EXOC4: variants seen among roughly 807,000 people sequenced by gnomAD.
EXOC4 encodes the protein SEC8-like 1.
A neutral mutation model predicts 107.2 loss-of-function variants in EXOC4; 71 were observed. The ratio of observed to expected loss-of-function variants is 0.66; its 90% CI spans 0.55 to 0.81. The LOEUF is 0.81. EXOC4 is among the 30% of genes least tolerant of loss of function. The pLI is 0.00. For synonymous variants in EXOC4, 456 were observed against 441.2 expected (o/e 1.03, Z -0.42); for missense variants, 1,108 against 1,189.6 (o/e 0.93, Z 1.01).
intron 10 of EXOC4, among the ~76,000 whole-genome samples, chr7:133,801,509 T>C (rs1041144496): frequency 6.6e-6 from 1 of 152,160 alleles, no homozygotes; most frequent in Non-Finnish European, 1.5e-5. Flanking sequence ...GAATGTTAGA[T>C]GGGTGCATCA....
chr7:133,340,240 A>T (rs369526993), intron 5 of EXOC4, among the ~76,000 whole-genome samples: 1 of 152,040 alleles, frequency 6.6e-6, no homozygotes, highest in Admixed American at 6.6e-5. Flanking sequence ...ATTTCGTCCA[A>T]TGTTTTTTCT....
intron 10 of EXOC4, among the ~76,000 whole-genome samples, chr7:133,808,764 A>ATT (rs796720211): frequency 6.8e-6 from 1 of 147,296 alleles, no homozygotes; most frequent in East Asian, 2.0e-4. Flanking sequence ...TTGTAGGTTG[A>ATT]TTTTTTTTTT....
chr7:133,947,004 T>C (rs886179078), intron 14 of EXOC4, among the ~76,000 whole-genome samples: 4 of 152,222 alleles, frequency 2.6e-5, no homozygotes, highest in African/African-American at 7.2e-5. Context: ...AGGAGACATA[T>C]AGCACATATT....
In EXOC4 at chr7:133,817,318, C is replaced by T. The variant is rs1305915376; in HGVS notation, c.1515-7C>T. The T allele has an allele frequency of 1.3e-6, 2 of 1,595,528 alleles. No homozygotes were observed. The highest frequency in any genetic ancestry group is 1.7e-5 in the Admixed American group (1 of 59,888). ...ATTTAATAACCTTCTTACTGTTTGT[C>T]CTCCAGATTTATTCAGGAGATTGAG... is the stretch of plus-strand genomic sequence containing the variant. On this transcript the variant is annotated splice_polypyrimidine_tract_variant and splice_region_variant and intron_variant, in intron 10 of 17. Coordinates refer to ENST00000253861, the MANE Select transcript of EXOC4 (RefSeq NM_021807.4).
At chr7:133,432,935 A>G (rs374996011) in intron 7 of EXOC4, among the ~76,000 whole-genome samples, 9 of 152,362 alleles carry the variant, frequency 5.9e-5, no homozygotes, top group African/African-American at 2.2e-4. Context: ...AGCACTCTAT[A>G]GCTGTAATGT....
intron 10 of EXOC4, among the ~76,000 whole-genome samples, chr7:133,767,261 C>T (rs970050652): frequency 5.9e-5 from 9 of 151,934 alleles, no homozygotes; most frequent in African/African-American, 7.2e-5. Context: ...CAGACAGAAA[C>T]GAGTTTAAAA....
intron 10 of EXOC4, among the ~76,000 whole-genome samples, chr7:133,754,129 C>T (rs915062209): frequency 2.0e-5 from 3 of 152,026 alleles, no homozygotes; most frequent in East Asian, 1.9e-4. Flanking sequence ...CAGATTGTTT[C>T]AGTAAGGCTG....
chr7:134,045,955 G>T (rs908907557), intron 17 of EXOC4, among the ~76,000 whole-genome samples: 1 of 152,028 alleles, frequency 6.6e-6, no homozygotes, highest in Non-Finnish European at 1.5e-5. Flanking sequence ...TAATAACAGG[G>T]TATGAGACAG....
At chr7:133,653,501 A>G (rs1803212391) in intron 10 of EXOC4, among the ~76,000 whole-genome samples, 1 of 152,234 alleles carries the variant, frequency 6.6e-6, no homozygotes, top group Non-Finnish European at 1.5e-5. Flanking sequence ...CAGTACATTT[A>G]TCTCTCAGAA....
the EXOC4 span, among the ~76,000 whole-genome samples, chr7:134,080,777 AAT>A: frequency 6.0e-5 from 9 of 150,428 alleles, no homozygotes; most frequent in Admixed American, 2.0e-4. Flanking sequence ...CTATCTTAAA[AAT>A]ATATATATAT....
At chr7:133,570,324 TTA>T (rs1800995571) in intron 9 of EXOC4, among the ~76,000 whole-genome samples, 1 of 152,170 alleles carries the variant, frequency 6.6e-6, no homozygotes, top group Non-Finnish European at 1.5e-5. Flanking sequence ...TCACATTATT[TTA>T]TAGTAGGAGA....
At chr7:133,561,133 G>T (rs1288743815) in intron 9 of EXOC4, among the ~76,000 whole-genome samples, 1 of 152,154 alleles carries the variant, frequency 6.6e-6, no homozygotes, top group Non-Finnish European at 1.5e-5. Context: ...TAAAACGAAA[G>T]CTGTTTTAGG....
At chr7:133,959,853 T>A (rs2116830524) in intron 14 of EXOC4, among the ~76,000 whole-genome samples, 1 of 152,208 alleles carries the variant, frequency 6.6e-6, no homozygotes, top group African/African-American at 2.4e-5. Context: ...CTAGAATTGT[T>A]TATCTAACCA....
At chr7:133,277,523 GA>G (rs1455799398) in intron 2 of EXOC4, among the ~76,000 whole-genome samples, 2 of 152,174 alleles carry the variant, frequency 1.3e-5, no homozygotes, top group Non-Finnish European at 2.9e-5. Flanking sequence ...TATTGAAAAA[GA>G]GCCTTGTCTT....
intron 10 of EXOC4, among the ~76,000 whole-genome samples, chr7:133,756,012 C>G (rs1262513055): frequency 6.6e-6 from 1 of 152,170 alleles, no homozygotes; most frequent in Admixed American, 6.5e-5. Flanking sequence ...GAAAAAACAT[C>G]ATGTTCTATC....
intron 9 of EXOC4, among the ~76,000 whole-genome samples, chr7:133,517,923 A>G (rs893332920): frequency 3.3e-5 from 5 of 152,078 alleles, no homozygotes; most frequent in Admixed American, 6.6e-5. Flanking sequence ...AGTGGATTAA[A>G]ACATCAAACA....
At chr7:133,660,629 A>G (rs1247627999) in intron 10 of EXOC4, among the ~76,000 whole-genome samples, 2 of 152,214 alleles carry the variant, frequency 1.3e-5, no homozygotes, top group Non-Finnish European at 2.9e-5. Context: ...AGTCAGAAGA[A>G]TATTAAACCT....
At chr7:133,370,823 A>G (rs1796359230) in intron 6 of EXOC4, among the ~76,000 whole-genome samples, 1 of 152,202 alleles carries the variant, frequency 6.6e-6, no homozygotes, top group Non-Finnish European at 1.5e-5. Flanking sequence ...GAATTGTACC[A>G]TTACCTCAGC....
At chr7:133,691,727 A>C (rs1794425537) in intron 10 of EXOC4, among the ~76,000 whole-genome samples, 1 of 152,194 alleles carries the variant, frequency 6.6e-6, no homozygotes, top group African/African-American at 2.4e-5. Context: ...ATAAAGAATA[A>C]AATTAGGTGG....
Sources: gnomAD v4.1 joint callset for allele counts (sites outside exome capture counted in the v4.1 genomes callset) on GRCh38, gnomAD v4.1.1 for gene constraint, MANE v1.5 for transcripts, NCBI Gene and HGNC (gene_info 2026-07-23, HGNC 2026-07-21) for gene names.